Variants in SLC24A2 observed in about 807,000 individuals in gnomAD.
The protein encoded by SLC24A2 is sodium/potassium/calcium exchanger 2.
In SLC24A2, 36 loss-of-function variants were observed where a neutral mutation model predicts 62.0. That is an observed-to-expected ratio of 0.58 (90% confidence interval 0.44 to 0.77). The LOEUF is 0.77. Ranked by LOEUF, SLC24A2 falls within the 30% of genes least tolerant of loss-of-function variation. SLC24A2 has a pLI of 0.00. For missense variants in SLC24A2, 846 were observed against 817.9 expected (o/e 1.03, Z -0.42); for synonymous variants, 358 against 294.0 (o/e 1.22, Z -2.23).
intron 6 of SLC24A2, among the ~76,000 whole-genome samples, chr9:19,575,881 C>A (rs1356488738): frequency 6.6e-6 from 1 of 152,192 alleles, no homozygotes; most frequent in Non-Finnish European, 1.5e-5. Flanking sequence ...ATGCGGTAGA[C>A]TTTCATGGTG....
intron 4 of SLC24A2, among the ~76,000 whole-genome samples, chr9:19,612,774 G>A (rs141262969): frequency 9.3e-4 from 141 of 152,316 alleles, no homozygotes; most frequent in African/African-American, 3.1e-3. Context: ...CTACTCAGGA[G>A]GCTGAGGTGG....
rs141695581 is a variant in SLC24A2, at chr9:19,716,600, T to C, written c.930+69337A>G. On this transcript the variant is annotated intron_variant, in intron 2 of 10. Coordinates refer to ENST00000341998, the MANE Select transcript of SLC24A2 (RefSeq NM_020344.4). ...GTGTTCTTTTAGGGCTGATGTCTTA[T>C]ATTTGCCTTTAGGCCAATCATATCT... 7.5e-3 allele frequency among the ~76,000 whole-genome samples: 1,138 copies of C among 152,330 alleles called. 13 individuals carry two copies. The highest frequency in any genetic ancestry group is 0.026 in the African/African-American group (1,079 of 41,570).
chr9:19,723,084 T>G (rs746511364), intron 2 of SLC24A2, among the ~76,000 whole-genome samples: 14 of 152,096 alleles, frequency 9.2e-5, no homozygotes, highest in African/African-American at 1.4e-4. Context: ...AGTGATAAAA[T>G]TATCATCAAC....
chr9:20,057,454 C>T, the SLC24A2 span, among the ~76,000 whole-genome samples: 1 of 152,050 alleles, frequency 6.6e-6, no homozygotes, highest in African/African-American at 2.4e-5. Flanking sequence ...AACCAGACAC[C>T]AGTTATTTGT....
the SLC24A2 span, among the ~76,000 whole-genome samples, chr9:20,231,394 A>G: frequency 3.6e-4 from 55 of 151,828 alleles, no homozygotes; most frequent in East Asian, 0.01. Flanking sequence ...TTTGTTTGTA[A>G]CCTCTTTTAT....
chr9:19,524,352 AC>A (rs1833337094), intron 9 of SLC24A2, among the ~76,000 whole-genome samples: 1 of 150,850 alleles, frequency 6.6e-6, no homozygotes, highest in Non-Finnish European at 1.5e-5. Flanking sequence ...GGTTGTCATC[AC>A]CCATTAAATT....
chr9:19,805,874 T>C, the SLC24A2 span, among the ~76,000 whole-genome samples: 1 of 151,692 alleles, frequency 6.6e-6, no homozygotes, highest in African/African-American at 2.4e-5. Flanking sequence ...AGGGCATTTA[T>C]AGGGTTGGGC....
the SLC24A2 span, among the ~76,000 whole-genome samples, chr9:20,268,093 G>C: frequency 5.3e-5 from 8 of 152,204 alleles, no homozygotes; most frequent in African/African-American, 1.9e-4. Flanking sequence ...AGCCTGAGGT[G>C]CAAGTGAACT....
intron 2 of SLC24A2, among the ~76,000 whole-genome samples, chr9:19,668,887 T>C (rs1819333503): frequency 6.6e-6 from 1 of 152,166 alleles, no homozygotes; most frequent in Admixed American, 6.6e-5. Context: ...CCTAATATAG[T>C]GTTATGTATA....
At chr9:19,896,379 C>T in the SLC24A2 span, among the ~76,000 whole-genome samples, 2 of 152,300 alleles carry the variant, frequency 1.3e-5, no homozygotes, top group Admixed American at 6.5e-5. Flanking sequence ...GAACATTTGT[C>T]TAACAACACT....
chr9:20,277,201 A>G, the SLC24A2 span, among the ~76,000 whole-genome samples: 3 of 152,216 alleles, frequency 2.0e-5, no homozygotes, highest in Non-Finnish European at 4.4e-5. Context: ...CTAAAACATC[A>G]AAAGCAATGG....
chr9:19,580,290 G>A (rs1836163315), intron 5 of SLC24A2, among the ~76,000 whole-genome samples: 1 of 152,236 alleles, frequency 6.6e-6, no homozygotes. Flanking sequence ...TAGGCTAGAA[G>A]GATTTTCCGT....
chr9:20,077,779 G>A, the SLC24A2 span, among the ~76,000 whole-genome samples: 2 of 152,176 alleles, frequency 1.3e-5, no homozygotes, highest in Non-Finnish European at 2.9e-5. Context: ...TGATTCCCAA[G>A]TCATCCCTGG....
chr9:20,194,514 C>A, the SLC24A2 span, among the ~76,000 whole-genome samples: 17 of 152,050 alleles, frequency 1.1e-4, no homozygotes, highest in Admixed American at 5.2e-4. Flanking sequence ...TTCCTAAAAT[C>A]TCATTCAAAA....
chr9:19,903,431 G>A, the SLC24A2 span, among the ~76,000 whole-genome samples: 1 of 152,068 alleles, frequency 6.6e-6, no homozygotes, highest in South Asian at 2.1e-4. Context: ...TCTCCCAAAG[G>A]CTTACCTCCA....
the SLC24A2 span, among the ~76,000 whole-genome samples, chr9:20,099,844 T>C: frequency 6.6e-6 from 1 of 152,064 alleles, no homozygotes. Context: ...AGGATTTTTT[T>C]TCTCCAGCCC....
chr9:20,161,424 A>C, the SLC24A2 span, among the ~76,000 whole-genome samples: 7 of 151,456 alleles, frequency 4.6e-5, no homozygotes, highest in African/African-American at 1.5e-4. Context: ...AAAATAGTAC[A>C]AAAAAGAAAG....
chr9:20,264,515 A>G, the SLC24A2 span, among the ~76,000 whole-genome samples: 1 of 152,342 alleles, frequency 6.6e-6, no homozygotes, highest in East Asian at 1.9e-4. Context: ...TGGTAGCATG[A>G]CAAGAGGTGG....
intron 4 of SLC24A2, among the ~76,000 whole-genome samples, chr9:19,605,834 AG>A (rs2132922380): frequency 6.6e-6 from 1 of 152,362 alleles, no homozygotes; most frequent in East Asian, 1.9e-4. Flanking sequence ...TTTACAAAGG[AG>A]GAAGCTGAGT....
Sources: allele counts gnomAD v4.1 joint callset (sites outside exome capture counted in the v4.1 genomes callset), GRCh38; gene constraint gnomAD v4.1.1; transcripts MANE v1.5; gene names NCBI Gene and HGNC (gene_info 2026-07-23, HGNC 2026-07-21).